CR1: variants seen among roughly 807,000 people sequenced by gnomAD.
CR1 encodes complement C3b/C4b receptor 1 (Knops blood group).
In CR1, 116 loss-of-function variants were observed where a neutral mutation model predicts 187.3. The ratio of observed to expected loss-of-function variants is 0.62; its 90% confidence interval spans 0.53 to 0.72. The LOEUF (loss-of-function observed/expected upper bound fraction) is 0.72, where lower values mean the gene tolerates loss of function less well. CR1 is among the 30% of genes least tolerant of loss of function. CR1 has a pLI of 0.00. For missense variants in CR1, 1,731 were observed against 2,110.7 expected (o/e 0.82, Z 3.52); for synonymous variants, 576 against 747.1 (o/e 0.77, Z 3.73).
intron 37 of CR1, among the ~76,000 whole-genome samples, chr1:207,610,728 T>C (rs1661901065): frequency 6.6e-6 from 1 of 152,218 alleles, no homozygotes; most frequent in Non-Finnish European, 1.5e-5. Flanking sequence ...ATATGTTCTA[T>C]CACTAAAAAG....
chr1:207,499,337 G>A (rs1158755436), intron 1 of CR1, among the ~76,000 whole-genome samples: 1 of 152,142 alleles, frequency 6.6e-6, no homozygotes, highest in East Asian at 1.9e-4. Flanking sequence ...TGCACCTGAT[G>A]GAGAGACAAA....
intron 31 of CR1, among the ~76,000 whole-genome samples, chr1:207,581,261 G>GACGTATGCATATGGACACGTATATGTAT (rs1660935905): frequency 4.5e-5 from 6 of 132,202 alleles, no homozygotes; most frequent in African/African-American, 2.1e-4. Context: ...CGTATATGTA[G>GACGTATGCATATGGACACGTATATGTAT]ACGTATACAT....
At position 207,506,789 on chromosome 1, in the gene CR1, A is replaced by C. The variant is rs1211525831; in HGVS notation, c.377A>C (p.Gln126Pro). 1.2e-6 allele frequency: 2 copies of C among 1,613,482 alleles called. No individual in the cohort carries two copies. The highest frequency in any genetic ancestry group is 1.7e-5 in the Admixed American group (1 of 59,996). The change falls in exon 3 of 47, where the codon CAA becomes CCA. Residue 126 changes from glutamine (Q) to proline (P), a missense_variant. By Grantham distance (76) the Gln-to-Pro change is moderately conservative. Transcript: ENST00000367049. ...ATCAAAGGCATCCAGTTCGGATCCC[A>C]AATTAAATATTCTTGTACTAAAGGG... ...HVIKGIQFGS[Q>P]IKYSCTKGYR...
At position 207,583,692 on chromosome 1, in the gene CR1, T is replaced by C. The variant is rs144174321; in HGVS notation, c.5303-957T>C. The stretch of plus-strand genomic sequence containing the variant: ...AATCATTTCAATGTCTTGTATTGAT[T>C]TATATGATGAAAATGATAATTTCAT... On this transcript the variant is annotated intron_variant, in intron 32 of 46. Coordinates refer to ENST00000367049, the MANE Select transcript of CR1 (RefSeq NM_000651.6). Among the ~76,000 whole-genome samples the C allele has an allele frequency of 1.2e-4, 19 of 152,332 alleles. No individual in the cohort carries two copies. In the East Asian group the frequency reaches 3.7e-3, roughly 29 times the overall value.
At chr1:207,502,176 A>G (rs1173679399) in intron 1 of CR1, among the ~76,000 whole-genome samples, 1 of 152,246 alleles carries the variant, frequency 6.6e-6, no homozygotes, top group Non-Finnish European at 1.5e-5. Flanking sequence ...AAAAAAACAC[A>G]TCATCTCTTG....
At position 207,496,301 on chromosome 1, in the gene CR1, G is replaced by A. The variant is rs372551774; in HGVS notation, c.34G>A (p.Val12Ile). 15 of 1,613,666 alleles carry A rather than the reference G, an allele frequency of 9.3e-6. No individual in the cohort carries two copies. Among genetic ancestry groups the A allele is most frequent in the Middle Eastern group, 1.7e-4 (1 of 5,932 alleles). The change falls in exon 1 of 47, where the codon GTC becomes ATC. Residue 12 changes from valine (V) to isoleucine (I), a missense_variant. By Grantham distance (29) the Val-to-Ile change is conservative (BLOSUM62 3). Coordinates refer to ENST00000367049, the MANE Select transcript of CR1 (RefSeq NM_000651.6). The part of the protein sequence containing the change: ...GASSPRSPEP[V>I]GPPAPGLPFC... ...CTCTTCTCCAAGAAGCCCGGAGCCT[G>A]TCGGGCCGCCGGCGCCCGGTCTCCC... is the stretch of plus-strand genomic sequence containing the variant.
At chr1:207,584,512 A>C in intron 32 of CR1, 137 bp from the exon 33 acceptor site, 2 of 1,061,276 alleles carry the variant, frequency 1.9e-6, no homozygotes, top group Non-Finnish European at 2.7e-6. Context: ...TAATACATTT[A>C]TTTTGCAGTT....
chr1:207,523,576 C>G (rs1660063040), intron 4 of CR1, 35 bp from the exon 5 acceptor site: 3 of 1,612,668 alleles, frequency 1.9e-6, no homozygotes, highest in Non-Finnish European at 2.5e-6. Flanking sequence ...ATTATTTAAA[C>G]TGACTGTTAT....
intron 25 of CR1, among the ~76,000 whole-genome samples, chr1:207,568,255 T>C: frequency 7.0e-6 from 1 of 142,386 alleles, no homozygotes; most frequent in African/African-American, 2.8e-5. Flanking sequence ...AGGGAGGCGG[T>C]GAGTGGTGGG....
At chr1:207,587,091 G>C (rs1461283202) in intron 33 of CR1, among the ~76,000 whole-genome samples, 1 of 152,172 alleles carries the variant, frequency 6.6e-6, no homozygotes, top group Non-Finnish European at 1.5e-5. Flanking sequence ...TGAGGATATA[G>C]GCACTCCGAT....
chr1:207,520,113 A>G (rs908895139), intron 4 of CR1, among the ~76,000 whole-genome samples: 15 of 152,228 alleles, frequency 9.9e-5, no homozygotes, highest in Admixed American at 3.3e-4. Context: ...TAGAATTTTT[A>G]TGTTGCCTCA....
At chr1:207,581,814 A>C (rs1660964111) in intron 31 of CR1, 104 bp from the exon 32 acceptor site, 3 of 765,530 alleles carry the variant, frequency 3.9e-6, no homozygotes, top group Admixed American at 4.2e-5. Flanking sequence ...TTGAGCAGTA[A>C]AATGTTAATT....
intron 23 of CR1, among the ~76,000 whole-genome samples, chr1:207,565,034 C>G (rs1446136283): frequency 6.7e-6 from 1 of 149,984 alleles, no homozygotes; most frequent in Non-Finnish European, 1.5e-5. Context: ...GCTCTGGGCT[C>G]TGAGCTGGGG....
In CR1 at chr1:207,619,911, T is replaced by G. The variant is rs1187493168; in HGVS notation, c.7098T>G (p.Asn2366Lys). 3 of 1,597,866 alleles carry G rather than the reference T, an allele frequency of 1.9e-6. No individual in the cohort carries two copies. The highest frequency in any genetic ancestry group is 2.6e-6 in the Non-Finnish European group (3 of 1,171,658). The change falls in exon 43 of 47, where the codon AAT (asparagine) becomes AAG (lysine). Residue 2366 changes from asparagine (N) to lysine (K), a missense_variant. Physicochemically the swap from Asn to Lys is moderately conservative, Grantham distance 94 (BLOSUM62 0). Coordinates refer to ENST00000367049, the MANE Select transcript of CR1 (RefSeq NM_000651.6). ...EVNCSFPLFM[N>K]GISKELEMKK... ...ATTGTAGCTTCCCACTGTTTATGAA[T>G]GGAATCTCGAAGGAGTTAGAAATGA...
At chr1:207,508,493 C>G (rs1659513040) in intron 3 of CR1, among the ~76,000 whole-genome samples, 1 of 152,164 alleles carries the variant, frequency 6.6e-6, no homozygotes, top group Non-Finnish European at 1.5e-5. Flanking sequence ...ACTGCATAGA[C>G]ATAAATACAT....
chr1:207,523,563 T>C (rs757465168), intron 4 of CR1, 48 bp from the exon 5 acceptor site: 1 of 1,610,100 alleles, frequency 6.2e-7, no homozygotes, highest in Non-Finnish European at 8.5e-7. Context: ...ATTTCTGTCA[T>C]TCATTATTTA....
chr1:207,509,137 A>G (rs1443267482), intron 3 of CR1, among the ~76,000 whole-genome samples: 1 of 152,204 alleles, frequency 6.6e-6, no homozygotes, highest in Non-Finnish European at 1.5e-5. Flanking sequence ...GGTTCAAGGC[A>G]CATAGATTAA....
chr1:207,572,568 C>A (rs1660611668), intron 27 of CR1, among the ~76,000 whole-genome samples: 1 of 151,676 alleles, frequency 6.6e-6, no homozygotes, highest in Non-Finnish European at 1.5e-5. Context: ...AACTTTTAGA[C>A]TCACTGAGAA....
At chr1:207,619,655 G>C (rs1017432458) in intron 42 of CR1, among the ~76,000 whole-genome samples, 5 of 152,146 alleles carry the variant, frequency 3.3e-5, no homozygotes, top group African/African-American at 1.2e-4. Flanking sequence ...AATCAACAGT[G>C]AATGCACAGT....
Sources: gnomAD v4.1 joint callset for allele counts (sites outside exome capture counted in the v4.1 genomes callset) on GRCh38, gnomAD v4.1.1 for gene constraint, MANE v1.5 for transcripts, NCBI Gene and HGNC (gene_info 2026-07-23, HGNC 2026-07-21) for gene names.